ROR2: variants seen among roughly 807,000 people sequenced by gnomAD.
ROR2 encodes ROR family WNT receptor 2.
In ROR2, 33 loss-of-function variants were observed where a neutral mutation model predicts 74.9. The observed-to-expected ratio is 0.44, with a 90% confidence interval of 0.33 to 0.59. The LOEUF (loss-of-function observed/expected upper bound fraction) is 0.59, where lower values mean the gene tolerates loss of function less well. Among genes scored for constraint, ROR2 ranks in the 20% least tolerant of loss-of-function variants. ROR2 has a pLI of 0.02. For missense variants in ROR2, 1,216 were observed against 1,313.8 expected (o/e 0.93, Z 1.15); for synonymous variants, 586 against 558.7 (o/e 1.05, Z -0.69).
chr9:91,739,513 T>TAAA (rs71362359), intron 4 of ROR2, among the ~76,000 whole-genome samples: 65 of 105,536 alleles, frequency 6.2e-4, no homozygotes, highest in African/African-American at 1.6e-3. Flanking sequence ...TCTTTAAATT[T>TAAA]AAAAAAAAAA....
intron 1 of ROR2, among the ~76,000 whole-genome samples, chr9:91,864,421 G>C (rs1283173312): frequency 6.6e-6 from 1 of 151,950 alleles, no homozygotes. Flanking sequence ...ACAGAGACAG[G>C]GGAGGGGATA....
At chr9:91,911,223 T>C (rs144421286) in intron 1 of ROR2, among the ~76,000 whole-genome samples, 3 of 152,352 alleles carry the variant, frequency 2.0e-5, no homozygotes, top group Non-Finnish European at 4.4e-5. Flanking sequence ...ACTATAGTCA[T>C]GTGTCCCCTA....
chr9:91,898,542 C>A (rs1830594525), intron 1 of ROR2, among the ~76,000 whole-genome samples: 1 of 152,172 alleles, frequency 6.6e-6, no homozygotes, highest in South Asian at 2.1e-4. Context: ...GTGATTTATA[C>A]ATGACAAAGT....
chr9:91,795,508 T>C (rs924356933), intron 1 of ROR2, among the ~76,000 whole-genome samples: 1 of 152,240 alleles, frequency 6.6e-6, no homozygotes, highest in African/African-American at 2.4e-5. Flanking sequence ...AGCTTTCTCC[T>C]TTTAAAAGAA....
At chr9:91,888,913 CT>C (rs374655199) in intron 1 of ROR2, among the ~76,000 whole-genome samples, 57 of 148,906 alleles carry the variant, frequency 3.8e-4, no homozygotes, top group African/African-American at 3.0e-4. Context: ...GAGGTTCTTC[CT>C]TTTTTTTTTC....
chr9:91,739,562 G>A (rs1289808687), intron 4 of ROR2, among the ~76,000 whole-genome samples: 5 of 150,010 alleles, frequency 3.3e-5, no homozygotes, highest in African/African-American at 1.2e-4. Flanking sequence ...TAACCACATG[G>A]ATTTAAAATC....
intron 1 of ROR2, among the ~76,000 whole-genome samples, chr9:91,801,887 C>A (rs865826526): frequency 6.6e-6 from 1 of 152,128 alleles, no homozygotes; most frequent in Non-Finnish European, 1.5e-5. Context: ...GGGTAAAGGA[C>A]CTGGACTGAA....
intron 1 of ROR2, among the ~76,000 whole-genome samples, chr9:91,870,884 T>C (rs551590091): frequency 6.6e-6 from 1 of 152,354 alleles, no homozygotes; most frequent in African/African-American, 2.4e-5. Context: ...TCAAGAAAAC[T>C]CAACACATGA....
intron 1 of ROR2, among the ~76,000 whole-genome samples, chr9:91,827,885 A>G (rs1296093822): frequency 6.6e-6 from 1 of 152,236 alleles, no homozygotes; most frequent in Non-Finnish European, 1.5e-5. Flanking sequence ...CTGTTCTCCT[A>G]TCAGTATCCA....
intron 1 of ROR2, among the ~76,000 whole-genome samples, chr9:91,933,417 T>C (rs1274948803): frequency 1.3e-5 from 2 of 152,110 alleles, no homozygotes; most frequent in African/African-American, 2.4e-5. Context: ...ACTACAGACC[T>C]GTTTCAAGTA....
intron 1 of ROR2, among the ~76,000 whole-genome samples, chr9:91,839,438 T>C (rs2119211595): frequency 6.6e-6 from 1 of 150,960 alleles, no homozygotes; most frequent in Admixed American, 6.6e-5. Flanking sequence ...ATGTGTGGTG[T>C]GGGGTGTCTA....
rs528641321 is a variant in ROR2, at chr9:91,836,995, T to G, written c.98-61177A>C. 9.2e-5 allele frequency among the ~76,000 whole-genome samples: 14 copies of G among 152,364 alleles called. 1 individual carries two copies. The South Asian group carries it at 2.9e-3, about 32-fold the overall frequency. On this transcript the variant is annotated intron_variant, in intron 1 of 8. Transcript: ENST00000375708. ...GAAAGAAATTACAGTAATTTAAGAT[T>G]ATTAGATTGGAAAATCATCACAAGA...
chr9:91,729,933 G>A (rs112216232), intron 7 of ROR2, among the ~76,000 whole-genome samples: 233 of 152,306 alleles, frequency 1.5e-3, no homozygotes, highest in African/African-American at 5.4e-3. Flanking sequence ...ACGAATATTA[G>A]GAACTACTGA....
intron 1 of ROR2, among the ~76,000 whole-genome samples, chr9:91,868,297 G>A (rs897015834): frequency 5.9e-5 from 9 of 151,892 alleles, no homozygotes; most frequent in Non-Finnish European, 8.8e-5. Flanking sequence ...TATACAAGGT[G>A]AACAAAAGAG....
rs578204164 is a variant in ROR2, at chr9:91,829,383, A to AAC, written c.98-53567_98-53566dup. ...CACGGTGAAACCCCGTCTCTACTAA[A>AAC]ACACACACACACAAAAATTAGCTGG... On this transcript the variant is annotated intron_variant, in intron 1 of 8. Transcript: ENST00000375708. 1.2e-3 allele frequency among the ~76,000 whole-genome samples: 185 copies of AAC among 151,848 alleles called. 1 individual carries two copies. The highest frequency in any genetic ancestry group is 4.2e-3 in the African/African-American group (173 of 41,380).
At chr9:91,793,993 G>A (rs1352962141) in intron 1 of ROR2, among the ~76,000 whole-genome samples, 1 of 152,128 alleles carries the variant, frequency 6.6e-6, no homozygotes, top group African/African-American at 2.4e-5. Flanking sequence ...ACCAAAACCA[G>A]CCATGTGCCT....
chr9:91,732,984 G>C, intron 6 of ROR2, 138 bp downstream of exon 6: 1 of 855,446 alleles, frequency 1.2e-6, no homozygotes, highest in East Asian at 2.7e-5. Flanking sequence ...TAGGCTGTGG[G>C]GCCCTCGGCT....
At chr9:91,829,399 A>G (rs1412999567) in intron 1 of ROR2, among the ~76,000 whole-genome samples, 1 of 151,804 alleles carries the variant, frequency 6.6e-6, no homozygotes, top group Non-Finnish European at 1.5e-5. Flanking sequence ...CACACACAAA[A>G]ATTAGCTGGG....
intron 8 of ROR2, among the ~76,000 whole-genome samples, chr9:91,726,010 G>C (rs780213429): frequency 4.6e-5 from 7 of 152,204 alleles, no homozygotes; most frequent in Non-Finnish European, 2.9e-5. Context: ...AACCTGGAGA[G>C]GCTGCAGCAC....
Sources: gnomAD v4.1 joint callset for allele counts (sites outside exome capture counted in the v4.1 genomes callset) on GRCh38, gnomAD v4.1.1 for gene constraint, MANE v1.5 for transcripts, NCBI Gene and HGNC (gene_info 2026-07-23, HGNC 2026-07-21) for gene names.